The following COQ4 variants were observed in gnomAD, a reference collection of about 807,000 sequenced individuals.
The protein encoded by COQ4 is ubiquinone biosynthesis protein COQ4 homolog, mitochondrial.
A neutral mutation model predicts 30.2 loss-of-function variants in COQ4; 36 were observed. The observed-to-expected ratio is 1.19, with a 90% CI of 0.91 to 1.57. The LOEUF is 1.57. COQ4 is among the 40% of genes most tolerant of loss of function. COQ4 has a pLI of 0.00. For missense variants in COQ4, 369 were observed against 371.9 expected, an observed-to-expected ratio of 0.99 and a Z score of 0.07; for synonymous variants, 197 against 161.0, an observed-to-expected ratio of 1.22 and a Z score of -1.69.
At chr9:128,328,488 C>T (rs1001639330) in intron 4 of COQ4, among the ~76,000 whole-genome samples, 1 of 152,148 alleles carries the variant, frequency 6.6e-6, no homozygotes, top group Non-Finnish European at 1.5e-5. Context: ...GTTGTGGGGG[C>T]GGTCCTGAGC....
intron 4 of COQ4, among the ~76,000 whole-genome samples, chr9:128,327,873 T>A (rs1408267427): frequency 6.6e-6 from 1 of 152,352 alleles, no homozygotes; most frequent in South Asian, 2.1e-4. Flanking sequence ...GCAAAAAGCC[T>A]GCCTTTGTGG....
At chr9:128,330,503 T>C (rs1481203924) in intron 4 of COQ4, 2 of 152,206 alleles carry the variant, frequency 1.3e-5, no homozygotes, top group Non-Finnish European at 2.9e-5. Flanking sequence ...TTTTTTTGTT[T>C]GTTTTTTTGA....
rs1384605838 is a variant in COQ4 at position 128,325,812 on chromosome 9, C to G, written c.333C>G (p.Asp111Glu). ...ERPRISTSTL[D>E]LGKLQSLPEG... Reference sequence around the variant, plus strand: ...CCCGGATTTCGACATCCACCCTCGACCTGGGCAAGCTCCAGAGCCTGCCGG... The same window carrying G: ...CCCGGATTTCGACATCCACCCTCGAGCTGGGCAAGCTCCAGAGCCTGCCGG... Residue 111 changes from aspartate (D) to glutamate (E), a missense_variant, in exon 4 of 7, where the codon GAC (aspartate) becomes GAG (glutamate). Asp to Glu is a conservative substitution (Grantham distance 45, BLOSUM62 2). Coordinates refer to ENST00000300452, the MANE Select transcript of COQ4 (RefSeq NM_016035.5). The G allele has an allele frequency of 1.2e-6, 2 of 1,614,210 alleles. No homozygotes were observed. The highest frequency in any genetic ancestry group is 2.2e-5 in the South Asian group (2 of 91,084).
intron 4 of COQ4, among the ~76,000 whole-genome samples, chr9:128,327,751 G>A (rs938602531): frequency 6.6e-6 from 1 of 152,108 alleles, no homozygotes; most frequent in African/African-American, 2.4e-5. Context: ...GCGGTGAGCC[G>A]TAATCACACC....
In COQ4 at chr9:128,333,741, A is replaced by T; in HGVS notation, c.*96A>T. On this transcript the variant is annotated 3_prime_UTR_variant, in exon 7 of 7. Coordinates refer to ENST00000300452, the MANE Select transcript of COQ4 (RefSeq NM_016035.5). ...GACTACCTTTGTTCCTCTTCTTTGA[A>T]CACTGACCCTTGGACAACATTTATC... is the stretch of plus-strand genomic sequence containing the variant. The T allele has an allele frequency of 9.0e-7, 1 of 1,117,160 alleles. No homozygotes were observed. The highest frequency in any genetic ancestry group is 1.2e-6 in the Non-Finnish European group (1 of 818,560). 69.2% of individuals were successfully genotyped at this position (1,117,160 alleles called of 1,614,324 possible).
intron 4 of COQ4, among the ~76,000 whole-genome samples, chr9:128,326,876 G>A (rs940001355): frequency 2.6e-5 from 4 of 152,212 alleles, no homozygotes; most frequent in East Asian, 1.9e-4. Flanking sequence ...AACCCCCCAC[G>A]TAGCTGGGAC....
rs758490365 is a variant in COQ4 at position 128,332,960 on chromosome 9, T to C, written c.626+17T>C. On this transcript the variant is annotated intron_variant, in intron 6 of 6. Transcript: ENST00000300452. Reference sequence around the variant, plus strand: ...TGGCGCTCAGTAAGTTTTCAAGTGGTAGCTGGGTCGGGGTTGAGGGTGGTA... The same window carrying C: ...TGGCGCTCAGTAAGTTTTCAAGTGGCAGCTGGGTCGGGGTTGAGGGTGGTA... 4.4e-6 allele frequency: 7 copies of C among 1,601,466 alleles called. No homozygotes were observed. The South Asian group carries it at 7.7e-5, about 18-fold the overall frequency.
chr9:128,324,791 G>C (rs530410244), intron 2 of COQ4, among the ~76,000 whole-genome samples: 3 of 142,750 alleles, frequency 2.1e-5, no homozygotes, highest in Non-Finnish European at 4.4e-5. Context: ...ATTTGTACTA[G>C]GTCACCTAGA....
At chr9:128,325,653 G>A in intron 3 of COQ4, 126 bp from the exon 4 acceptor site, 1 of 710,848 alleles carries the variant, frequency 1.4e-6, no homozygotes. Flanking sequence ...AGTTGTAGGT[G>A]CTCCATTAAG....
intron 6 of COQ4, 67 bp from the exon 7 acceptor site, chr9:128,333,407 A>G (rs1456273955): frequency 1.6e-5 from 22 of 1,378,344 alleles, no homozygotes; most frequent in East Asian, 2.5e-5. Flanking sequence ...AAAATGCACA[A>G]GTGCCGAGCA....
chr9:128,332,119 A>G, intron 4 of COQ4, 34 bp from the exon 5 acceptor site: 1 of 1,549,810 alleles, frequency 6.5e-7, no homozygotes, highest in Non-Finnish European at 8.7e-7. Flanking sequence ...GGGAACCATC[A>G]GGAAGGGTTC....
chr9:128,332,442 TTTC>T (rs1832431111), intron 5 of COQ4, 160 bp downstream of exon 5: 1 of 741,272 alleles, frequency 1.3e-6, no homozygotes, highest in South Asian at 1.8e-5. Flanking sequence ...GTCCCCCTTC[TTTC>T]TCCCACTGCC....
chr9:128,323,248 G>C lies in COQ4; in HGVS notation c.202+101G>C, dbSNP rs544786409. 2.1e-4 allele frequency: 237 copies of C among 1,155,940 alleles called. No homozygotes were observed. The African/African-American group carries it at 2.7e-3, about 13-fold the overall frequency. The allele number at this position is 1,155,940 out of a possible 1,614,324, so 71.6% of individuals were successfully genotyped here. A position where few individuals can be genotyped will look rare whatever the true frequency, so the allele number is the denominator to read the frequency against. On this transcript the variant is annotated intron_variant, in intron 2 of 6. Coordinates refer to ENST00000300452, the MANE Select transcript of COQ4 (RefSeq NM_016035.5). ...GTCGGGGTACCCAAACCTGGTTGCAGCTCGTAACCACTCGGAACGTTTATG... is the reference window on the plus strand; with the variant it reads ...GTCGGGGTACCCAAACCTGGTTGCACCTCGTAACCACTCGGAACGTTTATG...
At position 128,323,128 on chromosome 9, in the gene COQ4, C is replaced by G. The variant is rs1233618734; in HGVS notation, c.183C>G (p.Leu61=). The change falls in exon 2 of 7, where the codon CTC becomes CTG. Residue 61 remains leucine (L), a synonymous_variant. Transcript: ENST00000300452. The stretch of plus-strand genomic sequence containing the variant: ...CCGCCGGCTCCGCGGCGATGGCGCT[C>G]TATAACCCCTACCGCCACGGTAAGG... ...LLAAGSAAMA[L]YNPYRHDMVA... 2 of 1,606,864 alleles carry G rather than the reference C, an allele frequency of 1.2e-6. No homozygotes were observed. Among genetic ancestry groups the G allele is most frequent in the East Asian group, 2.2e-5 (1 of 44,714 alleles).
chr9:128,330,745 A>G (rs1268477527), intron 4 of COQ4: 1 of 151,846 alleles, frequency 6.6e-6, no homozygotes, highest in African/African-American at 2.4e-5. Flanking sequence ...GATTGTAACC[A>G]TGAGTCACCG....
chr9:128,325,701 C>A (rs545045185), intron 3 of COQ4, 78 bp from the exon 4 acceptor site: 2 of 1,115,260 alleles, frequency 1.8e-6, no homozygotes, highest in East Asian at 2.4e-5. Flanking sequence ...TACATTCTCC[C>A]GCCCCTCAGC....
At chr9:128,327,602 C>A (rs1052669292) in intron 4 of COQ4, among the ~76,000 whole-genome samples, 8 of 152,068 alleles carry the variant, frequency 5.3e-5, no homozygotes, top group Admixed American at 4.6e-4. Context: ...GAGTTTGAGA[C>A]CAGCCTGGAC....
At chr9:128,326,584 A>G (rs1832325485) in intron 4 of COQ4, among the ~76,000 whole-genome samples, 1 of 151,814 alleles carries the variant, frequency 6.6e-6, no homozygotes, top group African/African-American at 2.4e-5. Flanking sequence ...CTGGGACTAC[A>G]GGCGCCCGCC....
intron 6 of COQ4, 99 bp downstream of exon 6, chr9:128,333,042 C>T (rs956657443): frequency 4.8e-6 from 4 of 838,154 alleles, no homozygotes; most frequent in Non-Finnish European, 8.2e-6. Flanking sequence ...CACACGGGCC[C>T]CTGCACAGCC....
Sources: allele counts gnomAD v4.1 joint callset (sites outside exome capture counted in the v4.1 genomes callset), GRCh38; gene constraint gnomAD v4.1.1; transcripts MANE v1.5; gene names NCBI Gene and HGNC (gene_info 2026-07-23, HGNC 2026-07-21).